DTNA: variants seen among roughly 807,000 people sequenced by gnomAD.
DTNA encodes dystrophin-related protein 3.
Under a neutral mutation model 100.7 loss-of-function variants are expected in DTNA, and 43 were observed. The ratio of observed to expected loss-of-function variants is 0.43; its 90% CI spans 0.33 to 0.55. DTNA has a LOEUF of 0.55. Among genes scored for constraint, DTNA ranks in the 20% least tolerant of loss-of-function variants. The probability of loss-of-function intolerance (pLI) is 0.04; values close to 1 mark genes in which losing one functional copy is unlikely to be tolerated. For missense variants in DTNA, 798 were observed against 953.9 expected, an observed-to-expected ratio of 0.84 and a Z score of 2.15; for synonymous variants, 349 against 347.9, an observed-to-expected ratio of 1.00 and a Z score of -0.04.
chr18:34,820,722 G>T, intron 8 of DTNA, 69 bp from the exon 9 acceptor site: 2 of 1,606,738 alleles, frequency 1.2e-6, no homozygotes, highest in Non-Finnish European at 1.7e-6. Flanking sequence ...ATTATGAAAA[G>T]CAAATCATTT....
intron 9 of DTNA, among the ~76,000 whole-genome samples, chr18:34,823,913 T>G (rs2095791181): frequency 6.6e-6 from 1 of 152,198 alleles, no homozygotes; most frequent in Non-Finnish European, 1.5e-5. Context: ...TGACCTGAGG[T>G]TCTGGACATT....
intron 1 of DTNA, among the ~76,000 whole-genome samples, chr18:34,644,694 A>G (rs757569821): frequency 2.0e-5 from 3 of 152,126 alleles, no homozygotes; most frequent in Non-Finnish European, 4.4e-5. Context: ...CAAAAGAAGA[A>G]CATATTTTTT....
At chr18:34,806,150 A>C (rs1248047176) in intron 4 of DTNA, 69 bp from the exon 5 acceptor site, 27 of 1,339,702 alleles carry the variant, frequency 2.0e-5, no homozygotes, top group Non-Finnish European at 2.2e-5. Flanking sequence ...TGTTGCTGGA[A>C]GTACTCCAAA....
chr18:34,750,610 C>T (rs1230449133), intron 1 of DTNA, among the ~76,000 whole-genome samples: 2 of 152,026 alleles, frequency 1.3e-5, no homozygotes, highest in Non-Finnish European at 2.9e-5. Context: ...CCAGAAAATG[C>T]CTTATGGTTT....
intron 17 of DTNA, chr18:34,867,824 T>C: frequency 1.0e-6 from 1 of 985,452 alleles, no homozygotes; most frequent in Non-Finnish European, 1.2e-6. Flanking sequence ...TTCCAGCTCC[T>C]CTCCACCAAG....
chr18:34,748,379 C>T (rs2091917023), intron 1 of DTNA, among the ~76,000 whole-genome samples: 1 of 151,946 alleles, frequency 6.6e-6, no homozygotes, highest in Non-Finnish European at 1.5e-5. Context: ...AAATTATTTG[C>T]CTAGGTTAAA....
intron 4 of DTNA, among the ~76,000 whole-genome samples, chr18:34,802,729 T>A (rs1220850153): frequency 6.6e-6 from 1 of 152,226 alleles, no homozygotes; most frequent in Non-Finnish European, 1.5e-5. Flanking sequence ...TCACAGTCTC[T>A]ATAATTTATT....
At chr18:34,663,459 C>G (rs1280115390) in intron 1 of DTNA, among the ~76,000 whole-genome samples, 2 of 152,182 alleles carry the variant, frequency 1.3e-5, no homozygotes, top group Non-Finnish European at 2.9e-5. Flanking sequence ...GCCACCGTGC[C>G]TAGCCACATC....
At chr18:34,790,496 C>T (rs1448171220) in intron 3 of DTNA, among the ~76,000 whole-genome samples, 1 of 142,976 alleles carries the variant, frequency 7.0e-6, no homozygotes, top group Admixed American at 6.9e-5. Flanking sequence ...AACTTCAATC[C>T]TTGTTTAGAT....
chr18:34,580,448 TTTCTC>T (rs1867391001), intron 1 of DTNA, among the ~76,000 whole-genome samples: 1 of 152,092 alleles, frequency 6.6e-6, no homozygotes, highest in African/African-American at 2.4e-5. Flanking sequence ...GGCTCATCCT[TTTCTC>T]TATTTGGCTG....
At chr18:34,875,476 T>C (rs2096806010) in intron 18 of DTNA, 78 bp downstream of exon 18, 2 of 1,599,806 alleles carry the variant, frequency 1.3e-6, no homozygotes, top group Non-Finnish European at 8.6e-7. Context: ...TGGTCAAGAG[T>C]TGTCAGAACC....
intron 11 of DTNA, among the ~76,000 whole-genome samples, chr18:34,833,437 A>T (rs950021388): frequency 6.8e-6 from 1 of 147,990 alleles, no homozygotes; most frequent in East Asian, 2.0e-4. Flanking sequence ...TGTGTGTGTG[A>T]GAAAAATTTT....
chr18:34,674,973 G>A (rs2077221002), intron 1 of DTNA, among the ~76,000 whole-genome samples: 1 of 152,054 alleles, frequency 6.6e-6, no homozygotes, highest in Non-Finnish European at 1.5e-5. Flanking sequence ...GAATTCACGT[G>A]GTATATAGAG....
intron 1 of DTNA, among the ~76,000 whole-genome samples, chr18:34,633,561 G>A (rs943130397): frequency 6.6e-6 from 1 of 152,092 alleles, no homozygotes; most frequent in African/African-American, 2.4e-5. Flanking sequence ...GGTCGGGATG[G>A]CAGAGGGCCA....
At chr18:34,796,368 T>A (rs1184265875) in intron 4 of DTNA, among the ~76,000 whole-genome samples, 8 of 152,218 alleles carry the variant, frequency 5.3e-5, no homozygotes, top group African/African-American at 1.9e-4. Flanking sequence ...ATGTTCAAAT[T>A]CTATTTCTTA....
intron 11 of DTNA, among the ~76,000 whole-genome samples, chr18:34,834,039 C>A (rs1019296560): frequency 6.6e-5 from 10 of 152,160 alleles, no homozygotes; most frequent in African/African-American, 2.4e-4. Flanking sequence ...TTTCTCCATG[C>A]AAACTTCCAA....
intron 1 of DTNA, among the ~76,000 whole-genome samples, chr18:34,743,490 G>A (rs191690312): frequency 1.3e-5 from 2 of 152,090 alleles, no homozygotes; most frequent in East Asian, 3.9e-4. Context: ...AGTGGAGGAA[G>A]GAAAAAATAG....
intron 1 of DTNA, among the ~76,000 whole-genome samples, chr18:34,635,958 T>G (rs921924655): frequency 3.9e-5 from 6 of 152,048 alleles, no homozygotes; most frequent in Non-Finnish European, 8.8e-5. Flanking sequence ...CCATAGTTTG[T>G]CTGTCAGTCT....
At chr18:34,875,965 C>T (rs1385330652) in intron 18 of DTNA, among the ~76,000 whole-genome samples, 5 of 152,142 alleles carry the variant, frequency 3.3e-5, no homozygotes, top group Admixed American at 3.3e-4. Flanking sequence ...GGGAGAGTAA[C>T]TTTATTAATT....
Sources: allele counts gnomAD v4.1 joint callset (sites outside exome capture counted in the v4.1 genomes callset), GRCh38; gene constraint gnomAD v4.1.1; transcripts MANE v1.5; gene names NCBI Gene and HGNC (gene_info 2026-07-23, HGNC 2026-07-21).